KLHL18: variants seen among roughly 807,000 people sequenced by gnomAD.
The protein encoded by KLHL18 is kelch like family member 18.
A neutral mutation model predicts 58.5 loss-of-function variants in KLHL18; 38 were observed. The observed-to-expected ratio is 0.65, with a 90% CI of 0.50 to 0.85. KLHL18 has a LOEUF of 0.85. Ranked by LOEUF, KLHL18 falls within the 40% of genes least tolerant of loss-of-function variation. The pLI is 0.00. For synonymous variants in KLHL18, 303 were observed against 301.9 expected (o/e 1.00, Z -0.04); for missense variants, 624 against 778.4 (o/e 0.80, Z 2.36).
chr3:47,316,555 ACATATATATGTATATGTG>A (rs1454352565), intron 1 of KLHL18, among the ~76,000 whole-genome samples: 136 of 12,784 alleles, frequency 0.011, no homozygotes, highest in African/African-American at 0.019. Context: ...ATACATATAT[ACATATATATGTATATGTG>A]TGTATATATA....
intron 1 of KLHL18, among the ~76,000 whole-genome samples, chr3:47,312,251 G>A (rs1703319509): frequency 6.6e-6 from 1 of 152,170 alleles, no homozygotes. Context: ...TTTTAGTGTA[G>A]AGTGTTTTGT....
chr3:47,343,741 C>A lies in KLHL18; in HGVS notation c.1525C>A (p.Pro509Thr), dbSNP rs1226879416. Reference protein sequence around the residue: ...SVADQWCLIVPMHTRRSRVSL... With the variant: ...SVADQWCLIVTMHTRRSRVSL... ...GGCAGACCAGTGGTGCCTGATTGTC[C>A]CCATGCACACGCGCAGGAGCCGGGT... The change falls in exon 10 of 10, where the codon CCC (proline) becomes ACC (threonine). Residue 509 changes from proline (P) to threonine (T), a missense_variant. Pro to Thr is a conservative substitution (Grantham distance 38). Transcript: ENST00000232766. The A allele has an allele frequency of 6.2e-7, 1 of 1,614,190 alleles. No homozygotes were observed. The highest frequency in any genetic ancestry group is 1.7e-5 in the Admixed American group (1 of 60,016).
chr3:47,339,483 C>A (rs944085570), intron 7 of KLHL18, among the ~76,000 whole-genome samples: 2 of 146,246 alleles, frequency 1.4e-5, no homozygotes, highest in African/African-American at 2.5e-5. Context: ...AGAGCAAGAC[C>A]TCATCTCAAA....
At chr3:47,301,207 C>G (rs1029715852) in intron 1 of KLHL18, among the ~76,000 whole-genome samples, 3 of 151,828 alleles carry the variant, frequency 2.0e-5, no homozygotes, top group African/African-American at 7.3e-5. Context: ...CTGGTTCTTT[C>G]ACAGAGCAAA....
In KLHL18 at chr3:47,343,908, C is replaced by T. The variant is rs1371024205; in HGVS notation, c.1692C>T (p.Val564=). The T allele has an allele frequency of 1.1e-5, 17 of 1,613,866 alleles. No individual in the cohort carries two copies. Among genetic ancestry groups the T allele is most frequent in the Middle Eastern group, 1.6e-4 (1 of 6,080 alleles). ...CCATGGCGTGCCATGAGGGAGGGGT[C>T]GGTGTGGGCTGCATCCCTCTCCTCA... ...MAPMACHEGG[V]GVGCIPLLTI Residue 564 remains valine (V), a synonymous_variant, in exon 10 of 10, where the codon GTC becomes GTT. Transcript: ENST00000232766.
intron 1 of KLHL18, among the ~76,000 whole-genome samples, chr3:47,293,255 T>C (rs1702827335): frequency 6.6e-6 from 1 of 152,236 alleles, no homozygotes. Context: ...CACTTGAACA[T>C]GGTTAAAATG....
chr3:47,339,799 C>G (rs1204099159), intron 7 of KLHL18, among the ~76,000 whole-genome samples: 1 of 11,618 alleles, frequency 8.6e-5, no homozygotes, highest in Admixed American at 2.2e-3. Context: ...TGGTGGCTCA[C>G]TCTTAACAAT....
Position 47,297,739 on chromosome 3 carries a change from G to A in KLHL18, c.129+14645G>A, listed in dbSNP as rs748380495. Reference sequence around the variant, plus strand: ...ATGAAGCCTATTTTTAGATGAAATAGGCTTTAGAATTCATTAAGTACAACT... The same window carrying A: ...ATGAAGCCTATTTTTAGATGAAATAAGCTTTAGAATTCATTAAGTACAACT... On this transcript the variant is annotated intron_variant, in intron 1 of 9. Transcript: ENST00000232766. The A allele has an allele frequency of 2.1e-5, 9 of 429,050 alleles. No individual in the cohort carries two copies. The East Asian group carries it at 6.4e-4, about 30-fold the overall frequency. The allele number at this position is 429,050 out of a possible 1,614,324, so 26.6% of individuals were successfully genotyped here.
chr3:47,312,446 T>C (rs1703323998), intron 1 of KLHL18, among the ~76,000 whole-genome samples: 1 of 152,198 alleles, frequency 6.6e-6, no homozygotes, highest in Admixed American at 6.5e-5. Flanking sequence ...CCTTAAGTTT[T>C]CTAACCAACC....
chr3:47,330,887 A>G (rs1254455037), intron 4 of KLHL18, among the ~76,000 whole-genome samples: 1 of 151,940 alleles, frequency 6.6e-6, no homozygotes, highest in Admixed American at 6.6e-5. Context: ...ATGCACCACC[A>G]TGCCAGGCTA....
chr3:47,333,995 T>A (rs1289657502), intron 5 of KLHL18, among the ~76,000 whole-genome samples: 1 of 152,244 alleles, frequency 6.6e-6, no homozygotes, highest in South Asian at 2.1e-4. Flanking sequence ...ATAAAAACTT[T>A]ACACACATTC....
At chr3:47,330,857 G>A (rs936853459) in intron 4 of KLHL18, among the ~76,000 whole-genome samples, 2 of 151,754 alleles carry the variant, frequency 1.3e-5, no homozygotes, top group African/African-American at 4.8e-5. Context: ...CAACCTCCTT[G>A]AGTAGCTGGG....
intron 1 of KLHL18, among the ~76,000 whole-genome samples, chr3:47,314,712 C>G (rs1703382519): frequency 6.6e-6 from 1 of 152,300 alleles, no homozygotes; most frequent in Non-Finnish European, 1.5e-5. Context: ...TGTGATAGCC[C>G]TTCTAGGATT....
At chr3:47,291,656 T>C (rs1702793088) in intron 1 of KLHL18, among the ~76,000 whole-genome samples, 1 of 152,250 alleles carries the variant, frequency 6.6e-6, no homozygotes, top group Admixed American at 6.5e-5. Context: ...ACTGACCTGT[T>C]ATATACTGAT....
intron 1 of KLHL18, among the ~76,000 whole-genome samples, chr3:47,307,107 C>T (rs1448571714): frequency 1.3e-5 from 2 of 151,696 alleles, no homozygotes; most frequent in Non-Finnish European, 2.9e-5. Context: ...AGTCTTGCTC[C>T]GTCACCCAGG....
intron 1 of KLHL18, among the ~76,000 whole-genome samples, chr3:47,316,537 A>G (rs62248942): frequency 1.1e-3 from 3 of 2,714 alleles, no homozygotes; most frequent in Admixed American, 7.7e-3. Context: ...ATGTATATAT[A>G]TACATATATA....
Position 47,322,606 on chromosome 3 carries a change from A to C in KLHL18, c.299A>C (p.Asn100Thr). 1.2e-6 allele frequency: 2 copies of C among 1,607,028 alleles called. No homozygotes were observed. The highest frequency in any genetic ancestry group is 1.3e-5 in the African/African-American group (1 of 74,764). Residue 100 changes from asparagine to threonine, a missense_variant, in exon 3 of 10, where the codon AAC becomes ACC. Asn to Thr is a moderately conservative substitution (Grantham distance 65). Transcript: ENST00000232766. ...EALINFAYNG[N>T]LAIDQQNVQS... Reference sequence around the variant, plus strand: ...CTGATCAACTTTGCCTACAACGGCAACCTTGCCATTGACCAGCAAAATGTC... The same window carrying C: ...CTGATCAACTTTGCCTACAACGGCACCCTTGCCATTGACCAGCAAAATGTC...
chr3:47,324,298 C>CTTTTT lies in KLHL18; in HGVS notation c.401+1612_401+1616dup, dbSNP rs769288621. ...CTTCCTTTTTTCTTTTTCTTTCTTT[C>CTTTTT]TTTTTTTTTTTTTTTTTTTTTTTTT... On this transcript the variant is annotated intron_variant, in intron 3 of 9. Transcript: ENST00000232766. Among the ~76,000 whole-genome samples, 154 of 37,454 alleles carry CTTTTT rather than the reference C, an allele frequency of 4.1e-3. 40 individuals carry two copies. Among genetic ancestry groups the CTTTTT allele is most frequent in the Non-Finnish European group, 4.8e-3 (102 of 21,330 alleles). The allele number at this position is 37,454 out of a possible 152,430, so 24.6% of individuals were successfully genotyped here.
intron 8 of KLHL18, among the ~76,000 whole-genome samples, chr3:47,342,312 CACTG>C (rs937856069): frequency 1.1e-4 from 16 of 152,090 alleles, no homozygotes; most frequent in Non-Finnish European, 2.1e-4. Flanking sequence ...TGGGAGCAAG[CACTG>C]ACTAGGAAGC....
Sources: gnomAD v4.1 joint callset for allele counts (sites outside exome capture counted in the v4.1 genomes callset) on GRCh38, gnomAD v4.1.1 for gene constraint, MANE v1.5 for transcripts, NCBI Gene and HGNC (gene_info 2026-07-23, HGNC 2026-07-21) for gene names.